TRPM8: variants seen among roughly 807,000 people sequenced by gnomAD.
TRPM8 encodes transient receptor potential cation channel subfamily M member 8, also known as TRPM8 cationic channel.
TRPM8 carries 110 observed loss-of-function variants against 133.7 expected under a neutral mutation model. That is an observed-to-expected ratio of 0.82 (90% CI 0.70 to 0.96). The LOEUF is 0.96. Ranked by LOEUF, TRPM8 falls within the 40% of genes least tolerant of loss-of-function variation. The probability of loss-of-function intolerance (pLI) is 0.00; values close to 1 mark genes in which losing one functional copy is unlikely to be tolerated. For missense variants in TRPM8, 1,291 were observed against 1,379.5 expected (o/e 0.94, Z 1.02); for synonymous variants, 535 against 532.3 (o/e 1.01, Z -0.07).
At chr2:233,982,371 C>T (rs556999673) in intron 19 of TRPM8, among the ~76,000 whole-genome samples, 3 of 152,126 alleles carry the variant, frequency 2.0e-5, no homozygotes, top group Admixed American at 6.5e-5. Flanking sequence ...ATAGCAGTCT[C>T]GTTATATACA....
intron 22 of TRPM8, among the ~76,000 whole-genome samples, chr2:234,005,845 A>G (rs1295472995): frequency 1.3e-5 from 2 of 150,914 alleles, no homozygotes; most frequent in Admixed American, 1.3e-4. Flanking sequence ...TAGGAGGCTG[A>G]GGTTGCAGGG....
intron 11 of TRPM8, among the ~76,000 whole-genome samples, chr2:233,957,303 T>C (rs1307430980): frequency 6.7e-6 from 1 of 149,968 alleles, no homozygotes; most frequent in Non-Finnish European, 1.5e-5. Context: ...CTGGACAACA[T>C]GGCAAAACCC....
At chr2:233,966,891 T>C (rs752309362) in intron 15 of TRPM8, 136 bp downstream of exon 15, 43 of 1,175,018 alleles carry the variant, frequency 3.7e-5, no homozygotes, top group Non-Finnish European at 4.9e-5. Flanking sequence ...GGTTTGGTGA[T>C]GATGTGGGAG....
intron 21 of TRPM8, among the ~76,000 whole-genome samples, chr2:233,994,934 G>A (rs781387134): frequency 6.6e-6 from 1 of 152,202 alleles, no homozygotes; most frequent in Non-Finnish European, 1.5e-5. Flanking sequence ...TTTGCAAATT[G>A]TAATATGCTT....
chr2:233,984,524 C>T (rs761060950), intron 20 of TRPM8, among the ~76,000 whole-genome samples: 36 of 152,256 alleles, frequency 2.4e-4, no homozygotes, highest in Non-Finnish European at 4.9e-4. Flanking sequence ...ATTTCATTCC[C>T]CTCTATTCAA....
intron 21 of TRPM8, among the ~76,000 whole-genome samples, chr2:233,993,626 A>G (rs1241132353): frequency 6.6e-6 from 1 of 152,188 alleles, no homozygotes; most frequent in Non-Finnish European, 1.5e-5. Context: ...CCTATTTTAG[A>G]TGATCTAGAA....
At chr2:234,006,212 TG>T (rs1692691477) in intron 22 of TRPM8, among the ~76,000 whole-genome samples, 1 of 152,222 alleles carries the variant, frequency 6.6e-6, no homozygotes, top group South Asian at 2.1e-4. Context: ...CATTCGTACC[TG>T]AAATATAGGT....
At chr2:233,942,030 C>A (rs1481064199) in intron 5 of TRPM8, among the ~76,000 whole-genome samples, 2 of 150,966 alleles carry the variant, frequency 1.3e-5, no homozygotes, top group African/African-American at 4.9e-5. Flanking sequence ...ACCCACCTCC[C>A]AGAGAGCCTG....
At chr2:233,935,493 G>A (rs928721471) in intron 3 of TRPM8, among the ~76,000 whole-genome samples, 1 of 147,306 alleles carries the variant, frequency 6.8e-6, no homozygotes. Flanking sequence ...TAAGAGTGAT[G>A]GAGGCACTGA....
intron 12 of TRPM8, among the ~76,000 whole-genome samples, chr2:233,961,822 G>T (rs1018746348): frequency 4.6e-5 from 7 of 151,846 alleles, no homozygotes; most frequent in Admixed American, 4.6e-4. Flanking sequence ...TAGACACGGG[G>T]TTTCACCATG....
intron 3 of TRPM8, among the ~76,000 whole-genome samples, chr2:233,937,060 C>T (rs1042786934): frequency 2.6e-5 from 4 of 151,958 alleles, no homozygotes; most frequent in African/African-American, 9.7e-5. Context: ...ACATGCCCAG[C>T]TGAGTTTTGT....
At chr2:233,927,851 C>CT (rs1559516462) in intron 2 of TRPM8, among the ~76,000 whole-genome samples, 703 of 37,488 alleles carry the variant, frequency 0.019, 94 homozygotes, top group Non-Finnish European at 0.02. Flanking sequence ...TTCCTTCCTT[C>CT]CTTTCTTTCT....
At chr2:234,010,165 C>T (rs1442751092) in intron 24 of TRPM8, among the ~76,000 whole-genome samples, 1 of 152,110 alleles carries the variant, frequency 6.6e-6, no homozygotes, top group East Asian at 1.9e-4. Context: ...CAGCGACCAC[C>T]GTGCTACTCT....
chr2:233,923,567 C>T (rs920651125), intron 1 of TRPM8, among the ~76,000 whole-genome samples: 1 of 152,182 alleles, frequency 6.6e-6, no homozygotes, highest in Non-Finnish European at 1.5e-5. Flanking sequence ...CATGGGCCGG[C>T]ATCCACTGCA....
intron 21 of TRPM8, among the ~76,000 whole-genome samples, chr2:233,994,767 C>T (rs1205731785): frequency 1.3e-5 from 2 of 152,072 alleles, no homozygotes; most frequent in East Asian, 1.9e-4. Context: ...CATATGTAAT[C>T]GATTTTTCTG....
intron 22 of TRPM8, among the ~76,000 whole-genome samples, chr2:234,003,926 A>G: frequency 6.6e-6 from 1 of 152,192 alleles, no homozygotes; most frequent in East Asian, 1.9e-4. Flanking sequence ...AAATAAGGAC[A>G]AATCAGTACT....
In TRPM8 at chr2:233,937,570, T is replaced by C. The variant is rs1016411745; in HGVS notation, c.348+61T>C. On this transcript the variant is annotated intron_variant, in intron 4 of 25. Coordinates refer to ENST00000324695, the MANE Select transcript of TRPM8 (RefSeq NM_024080.5). ...TAGGCCAAAGTGACCTGGGCTACCT[T>C]GATTTACTTGGAATTGTCTAATAGG... is the stretch of plus-strand genomic sequence containing the variant. 8.4e-6 allele frequency: 13 copies of C among 1,548,758 alleles called. No homozygotes were observed. The African/African-American group carries it at 1.5e-4, about 18-fold the overall frequency.
intron 15 of TRPM8, among the ~76,000 whole-genome samples, 188 bp downstream of exon 15, chr2:233,966,943 G>A (rs1333193847): frequency 3.9e-5 from 6 of 152,214 alleles, no homozygotes; most frequent in African/African-American, 1.4e-4. Context: ...TGCTTTAAGA[G>A]ATGGTGCAGG....
chr2:233,935,622 A>G (rs78340206), intron 3 of TRPM8, among the ~76,000 whole-genome samples: 1 of 152,180 alleles, frequency 6.6e-6, no homozygotes, highest in Admixed American at 6.5e-5. Flanking sequence ...GTGACCAAAC[A>G]TGTCTCCCAC....
Sources: allele counts gnomAD v4.1 joint callset (sites outside exome capture counted in the v4.1 genomes callset), GRCh38; gene constraint gnomAD v4.1.1; transcripts MANE v1.5; gene names NCBI Gene and HGNC (gene_info 2026-07-23, HGNC 2026-07-21).